The following EYA2 variants were observed in gnomAD, a reference collection of about 807,000 sequenced individuals.
The protein encoded by EYA2 is EYA transcriptional coactivator and phosphatase 2.
Under a neutral mutation model 69.2 loss-of-function variants are expected in EYA2, and 31 were observed. The ratio of observed to expected loss-of-function variants is 0.45; its 90% CI spans 0.34 to 0.60. The LOEUF is 0.60. EYA2 is among the 20% of genes least tolerant of loss of function. EYA2 has a pLI of 0.02. For missense variants in EYA2, 622 were observed against 701.2 expected (o/e 0.89, Z 1.28); for synonymous variants, 257 against 279.4 (o/e 0.92, Z 0.80).
chr20:47,179,928 C>T lies in EYA2; in HGVS notation c.1313+16C>T, dbSNP rs768426283. On this transcript the variant is annotated intron_variant, in intron 13 of 15. Coordinates refer to ENST00000327619, the MANE Select transcript of EYA2 (RefSeq NM_005244.5). The stretch of plus-strand genomic sequence containing the variant: ...TCAACTCCCGGCAAGTGGCAGCCCT[C>T]ATTTTCCTCTGTGCCACTGAACTTT... 5 of 1,593,086 alleles carry T rather than the reference C, an allele frequency of 3.1e-6. No individual in the cohort carries two copies. The highest frequency in any genetic ancestry group is 2.7e-5 in the African/African-American group (2 of 74,560).
At chr20:47,146,751 C>G (rs527842523) in intron 10 of EYA2, among the ~76,000 whole-genome samples, 1 of 152,186 alleles carries the variant, frequency 6.6e-6, no homozygotes, top group African/African-American at 2.4e-5. Context: ...GTTCTCCGAG[C>G]CTGTAGTAGT....
chr20:47,054,240 C>G (rs910081562), intron 5 of EYA2, among the ~76,000 whole-genome samples: 1 of 152,132 alleles, frequency 6.6e-6, no homozygotes, highest in Admixed American at 6.5e-5. Context: ...CCTGATGCCA[C>G]CCCTGGCTGA....
At chr20:46,965,435 A>G (rs1979714665) in intron 1 of EYA2, among the ~76,000 whole-genome samples, 1 of 152,172 alleles carries the variant, frequency 6.6e-6, no homozygotes, top group Admixed American at 6.5e-5. Context: ...GTCACCAGGC[A>G]CCCCAGGGCA....
chr20:47,133,494 C>T (rs924001072), intron 9 of EYA2, among the ~76,000 whole-genome samples: 2 of 152,180 alleles, frequency 1.3e-5, no homozygotes, highest in African/African-American at 4.8e-5. Context: ...GCCTCCTTTG[C>T]TAACCGGTTG....
intron 10 of EYA2, among the ~76,000 whole-genome samples, chr20:47,148,058 C>CAAAAAAAAAAAAAAAAAAA (rs1264883844): frequency 2.4e-5 from 2 of 82,838 alleles, no homozygotes; most frequent in African/African-American, 9.7e-5. Context: ...GACTCTGTCT[C>CAAAAAAAAAAAAAAAAAAA]AAAAAAAAAA....
intron 1 of EYA2, among the ~76,000 whole-genome samples, chr20:46,928,949 GC>G (rs1353701558): frequency 6.6e-6 from 1 of 152,104 alleles, no homozygotes; most frequent in Non-Finnish European, 1.5e-5. Flanking sequence ...TTGTGTTCTG[GC>G]CCCGGTCTCC....
At chr20:47,117,104 CT>C (rs943529367) in intron 9 of EYA2, among the ~76,000 whole-genome samples, 3 of 151,786 alleles carry the variant, frequency 2.0e-5, no homozygotes, top group African/African-American at 4.8e-5. Flanking sequence ...CCTCTGCCCC[CT>C]GGGTTCAAGC....
At chr20:47,175,267 G>A (rs2034404205) in intron 12 of EYA2, among the ~76,000 whole-genome samples, 1 of 152,240 alleles carries the variant, frequency 6.6e-6, no homozygotes, top group Admixed American at 6.5e-5. Context: ...AAGTGTTTTA[G>A]AAGGTACACT....
At chr20:47,001,531 G>GGTA (rs778815687) in intron 3 of EYA2, 58 bp downstream of exon 3, 387 of 1,569,814 alleles carry the variant, frequency 2.5e-4, no homozygotes, top group Non-Finnish European at 1.9e-4. Flanking sequence ...TTTCTTGGAA[G>GGTA]GTAGAGGTTA....
At chr20:47,098,790 C>T (rs1319866121) in intron 9 of EYA2, among the ~76,000 whole-genome samples, 1 of 152,244 alleles carries the variant, frequency 6.6e-6, no homozygotes, top group Non-Finnish European at 1.5e-5. Context: ...GCAAGCTTGG[C>T]CATATCACTC....
chr20:47,105,579 C>G (rs901500017), intron 9 of EYA2, among the ~76,000 whole-genome samples: 49 of 148,652 alleles, frequency 3.3e-4, no homozygotes, highest in Non-Finnish European at 6.2e-4. Context: ...GAGCTGAGAT[C>G]ACGCCACTGA....
intron 6 of EYA2, 120 bp from the exon 7 acceptor site, chr20:47,074,036 GAC>G (rs1409275982): frequency 1.7e-5 from 16 of 958,084 alleles, no homozygotes; most frequent in Non-Finnish European, 2.0e-5. Context: ...CCAAAATGAA[GAC>G]AGTTTCTGCC....
rs1568709257 is a variant in EYA2, at chr20:46,990,809, C to T, written c.109+690C>T. Among the ~76,000 whole-genome samples, 2 of 152,268 alleles carry T rather than the reference C, an allele frequency of 1.3e-5. 1 individual carries two copies. The highest frequency in any genetic ancestry group is 4.1e-4 in the South Asian group (2 of 4,826). The stretch of plus-strand genomic sequence containing the variant: ...TGCTGCTGTTGTCCTGAGACCCCCT[C>T]GTTGTTTTTCCTTCATTATCTGTTT... On this transcript the variant is annotated intron_variant, in intron 2 of 15. Transcript: ENST00000327619.
intron 1 of EYA2, among the ~76,000 whole-genome samples, chr20:46,940,907 AG>A (rs1231704275): frequency 6.6e-6 from 1 of 152,198 alleles, no homozygotes; most frequent in East Asian, 1.9e-4. Flanking sequence ...CCGGGGTGAA[AG>A]GTTTGCCTGC....
chr20:46,915,271 C>T (rs529841649), intron 1 of EYA2, among the ~76,000 whole-genome samples: 3 of 152,282 alleles, frequency 2.0e-5, no homozygotes, highest in African/African-American at 4.8e-5. Flanking sequence ...TTAAAAAACA[C>T]GCCCACTGCC....
chr20:47,164,815 GAA>G lies in EYA2; in HGVS notation c.979-4321_979-4320del, dbSNP rs1225393902. 5.3e-5 allele frequency among the ~76,000 whole-genome samples: 8 copies of G among 152,288 alleles called. No individual in the cohort carries two copies. In the East Asian group the frequency reaches 1.5e-3, roughly 29 times the overall value. On this transcript the variant is annotated intron_variant, in intron 10 of 15. Coordinates refer to ENST00000327619, the MANE Select transcript of EYA2 (RefSeq NM_005244.5). The stretch of plus-strand genomic sequence containing the variant: ...AGAGAAAGGGAAGAGGAGGCAGAGA[GAA>G]AAGAGAGAGGACATCCCCCAAGTTT...
intron 5 of EYA2, among the ~76,000 whole-genome samples, chr20:47,049,865 C>T (rs1251212302): frequency 1.3e-5 from 2 of 151,044 alleles, no homozygotes; most frequent in Admixed American, 1.3e-4. Flanking sequence ...GACAGACCCC[C>T]CCCCCACCGC....
At chr20:46,989,923 C>G (rs1373021400) in intron 1 of EYA2, 78 bp from the exon 2 acceptor site, 3 of 752,570 alleles carry the variant, frequency 4.0e-6, no homozygotes, top group Non-Finnish European at 7.2e-6. Flanking sequence ...TATTTATACT[C>G]TTAGGGAAAG....
At chr20:47,057,158 G>GA in intron 5 of EYA2, among the ~76,000 whole-genome samples, 1 of 130,028 alleles carries the variant, frequency 7.7e-6, no homozygotes, top group African/African-American at 2.5e-5. Context: ...AGGAAGGAAG[G>GA]AAGGAAGGAA....
Sources: gnomAD v4.1 joint callset for allele counts (sites outside exome capture counted in the v4.1 genomes callset) on GRCh38, gnomAD v4.1.1 for gene constraint, MANE v1.5 for transcripts, NCBI Gene and HGNC (gene_info 2026-07-23, HGNC 2026-07-21) for gene names.